Variants in SPOCK1 observed in about 807,000 individuals in gnomAD.
The protein encoded by SPOCK1 is testican-1.
A neutral mutation model predicts 55.3 loss-of-function variants in SPOCK1; 23 were observed. The ratio of observed to expected loss-of-function variants is 0.42; its 90% CI spans 0.30 to 0.59. The LOEUF is 0.59. Among genes scored for constraint, SPOCK1 ranks in the 20% least tolerant of loss-of-function variants. The pLI is 0.22. For missense variants in SPOCK1, 499 were observed against 552.5 expected (o/e 0.90, Z 0.97); for synonymous variants, 226 against 221.0 (o/e 1.02, Z -0.20).
At chr5:136,999,335 C>T (rs2126967888) in intron 6 of SPOCK1, among the ~76,000 whole-genome samples, 1 of 152,242 alleles carries the variant, frequency 6.6e-6, no homozygotes, top group South Asian at 2.1e-4. Context: ...TTGCTTCTTA[C>T]CTAGATGAGT....
In SPOCK1 at chr5:137,319,974, C is replaced by A. The variant is rs377222373; in HGVS notation, c.187-52919G>T. The stretch of plus-strand genomic sequence containing the variant: ...CTCAAAAAAAAAAAAAAAAAAAAAA[C>A]AACACATGATCCAAAAAGCCTTTAT... On this transcript the variant is annotated intron_variant, in intron 2 of 10. Coordinates refer to ENST00000394945, the MANE Select transcript of SPOCK1 (RefSeq NM_004598.4). 3.2e-3 allele frequency among the ~76,000 whole-genome samples: 335 copies of A among 105,926 alleles called. 10 individuals are homozygous for A. In the South Asian group the frequency reaches 0.063, roughly 20 times the overall value. The allele number at this position is 105,926 out of a possible 152,430, so 69.5% of individuals were successfully genotyped here.
intron 6 of SPOCK1, among the ~76,000 whole-genome samples, chr5:137,060,768 C>T (rs964121941): frequency 6.6e-6 from 1 of 152,176 alleles, no homozygotes; most frequent in Non-Finnish European, 1.5e-5. Context: ...CTCAGCTTAT[C>T]CTTCTTTCTC....
chr5:137,016,352 G>C (rs754609534), intron 6 of SPOCK1, among the ~76,000 whole-genome samples: 21 of 152,138 alleles, frequency 1.4e-4, no homozygotes, highest in Non-Finnish European at 2.5e-4. Flanking sequence ...GCAGAAAGTG[G>C]GTATTTAACA....
Position 137,314,773 on chromosome 5 carries a change from C to T in SPOCK1, c.187-47718G>A, listed in dbSNP as rs139969252. On this transcript the variant is annotated intron_variant, in intron 2 of 10. Transcript: ENST00000394945. Reference sequence around the variant, plus strand: ...GTGCATGGACCACGTTTTCCATGTTCTCTTTACTCCTCCACTGCCTCTCAT... The same window carrying T: ...GTGCATGGACCACGTTTTCCATGTTTTCTTTACTCCTCCACTGCCTCTCAT... Among the ~76,000 whole-genome samples the T allele has an allele frequency of 1.3e-3, 198 of 152,256 alleles. 1 individual carries two copies. The highest frequency in any genetic ancestry group is 1.0e-2 in the South Asian group (48 of 4,822).
rs201934813 is a variant in SPOCK1 at position 136,978,434 on chromosome 5, A to AAAC, written c.*217_*219dup. 3.5e-4 allele frequency: 125 copies of AAAC among 359,382 alleles called. No individual in the cohort carries two copies. The highest frequency in any genetic ancestry group is 6.2e-4 in the South Asian group (5 of 8,092). The allele number at this position is 359,382 out of a possible 1,614,324, so 22.3% of individuals were successfully genotyped here. ...CCAATGACTTCCCTATCCAAAAAAT[A>AAAC]AACAACAACAAAAAAAAAACACAAC... On this transcript the variant is annotated 3_prime_UTR_variant, in exon 11 of 11. Transcript: ENST00000394945.
intron 2 of SPOCK1, among the ~76,000 whole-genome samples, chr5:137,495,722 G>A (rs1442255816): frequency 1.3e-5 from 2 of 152,234 alleles, no homozygotes; most frequent in Non-Finnish European, 2.9e-5. Flanking sequence ...TGAATAGTAG[G>A]TTTCTGTAGA....
chr5:137,357,662 C>A (rs907500718), intron 2 of SPOCK1, among the ~76,000 whole-genome samples: 50 of 152,130 alleles, frequency 3.3e-4, no homozygotes, highest in African/African-American at 1.2e-3. Context: ...CTTTAAGGAT[C>A]ATGATGCAAC....
intron 2 of SPOCK1, among the ~76,000 whole-genome samples, chr5:137,374,491 C>T (rs546421740): frequency 6.6e-6 from 1 of 152,320 alleles, no homozygotes; most frequent in African/African-American, 2.4e-5. Context: ...CAGGTTCCTG[C>T]ACTAGCAGGG....
At chr5:137,291,500 T>A (rs918492574) in intron 2 of SPOCK1, among the ~76,000 whole-genome samples, 13 of 152,320 alleles carry the variant, frequency 8.5e-5, no homozygotes, top group Admixed American at 7.2e-4. Context: ...GGCCCTGACA[T>A]CATGGTGTTT....
intron 3 of SPOCK1, among the ~76,000 whole-genome samples, chr5:137,154,138 T>C (rs1224984010): frequency 1.3e-5 from 2 of 151,746 alleles, no homozygotes; most frequent in African/African-American, 2.4e-5. Flanking sequence ...AAATACAAAA[T>C]TAGCCAGGCA....
At chr5:137,327,938 G>C (rs1758107448) in intron 2 of SPOCK1, among the ~76,000 whole-genome samples, 1 of 152,174 alleles carries the variant, frequency 6.6e-6, no homozygotes, top group South Asian at 2.1e-4. Context: ...TGAATACACT[G>C]TTCCTACAGA....
chr5:137,144,049 C>A (rs999564515), intron 3 of SPOCK1, among the ~76,000 whole-genome samples: 1 of 152,132 alleles, frequency 6.6e-6, no homozygotes, highest in Non-Finnish European at 1.5e-5. Flanking sequence ...AAGGAGGGGG[C>A]AGCCAGATTA....
intron 2 of SPOCK1, among the ~76,000 whole-genome samples, chr5:137,373,824 C>G (rs1470183779): frequency 2.0e-5 from 3 of 152,234 alleles, no homozygotes; most frequent in African/African-American, 4.8e-5. Context: ...CAGCGTCTTA[C>G]TAGCAGTGTG....
intron 2 of SPOCK1, among the ~76,000 whole-genome samples, chr5:137,325,135 C>A (rs981334735): frequency 2.6e-5 from 4 of 152,122 alleles, no homozygotes; most frequent in South Asian, 2.1e-4. Flanking sequence ...GGATGGGGGA[C>A]AACTGGGCTA....
At chr5:137,072,538 C>A (rs1375289834) in intron 5 of SPOCK1, among the ~76,000 whole-genome samples, 2 of 152,170 alleles carry the variant, frequency 1.3e-5, no homozygotes, top group Non-Finnish European at 2.9e-5. Context: ...CCCAACCAAT[C>A]TTTCCTTCCA....
intron 8 of SPOCK1, among the ~76,000 whole-genome samples, chr5:136,986,831 C>T (rs753761524): frequency 1.3e-5 from 2 of 152,040 alleles, no homozygotes; most frequent in African/African-American, 2.4e-5. Context: ...CCATATTATA[C>T]AGCTATTGAT....
In SPOCK1 at chr5:137,350,672, T is replaced by G. The variant is rs75985739; in HGVS notation, c.187-83617A>C. Among the ~76,000 whole-genome samples the G allele has an allele frequency of 1.5e-3, 227 of 152,300 alleles. 1 individual carries two copies. The highest frequency in any genetic ancestry group is 5.3e-3 in the African/African-American group (221 of 41,556). ...TGAGGGCAGGACTCTTTCTAGTTCA[T>G]GATTCCTCATCCTCTTGTTTTCAGT... On this transcript the variant is annotated intron_variant, in intron 2 of 10. Coordinates refer to ENST00000394945, the MANE Select transcript of SPOCK1 (RefSeq NM_004598.4).
At chr5:137,446,266 A>G (rs1753125373) in intron 2 of SPOCK1, among the ~76,000 whole-genome samples, 1 of 152,214 alleles carries the variant, frequency 6.6e-6, no homozygotes, top group South Asian at 2.1e-4. Context: ...TGTACCTTGT[A>G]AAAATCGTTA....
chr5:137,160,593 A>AATATATTATATATAATATATAAT (rs1754523279), intron 3 of SPOCK1, among the ~76,000 whole-genome samples: 10 of 71,008 alleles, frequency 1.4e-4, no homozygotes, highest in Admixed American at 2.4e-4. Context: ...TATAATATAT[A>AATATATTATATATAATATATAAT]ATATATTATA....
Sources: gnomAD v4.1 joint callset for allele counts (sites outside exome capture counted in the v4.1 genomes callset) on GRCh38, gnomAD v4.1.1 for gene constraint, MANE v1.5 for transcripts, NCBI Gene and HGNC (gene_info 2026-07-23, HGNC 2026-07-21) for gene names.